ANKAR: variants seen among roughly 807,000 people sequenced by gnomAD.
The protein encoded by ANKAR is ankyrin and armadillo repeat-containing protein.
Under a neutral mutation model 146.2 loss-of-function variants are expected in ANKAR, and 136 were observed. The ratio of observed to expected loss-of-function variants is 0.93; its 90% CI spans 0.81 to 1.07. The LOEUF is 1.07. Among genes scored for constraint, ANKAR ranks in the 50% least tolerant of loss-of-function variants. The probability of loss-of-function intolerance (pLI) is 0.00; values close to 1 mark genes in which losing one functional copy is unlikely to be tolerated. For synonymous variants in ANKAR, 500 were observed against 575.8 expected (o/e 0.87, Z 1.88); for missense variants, 1,567 against 1,679.9 (o/e 0.93, Z 1.18).
intron 17 of ANKAR, among the ~76,000 whole-genome samples, chr2:189,734,699 T>TATAAAA (rs1190045635): frequency 6.6e-6 from 1 of 152,156 alleles, no homozygotes; most frequent in Non-Finnish European, 1.5e-5. Context: ...GAAGTGCTGC[T>TATAAAA]ATAAAAATAT....
At chr2:189,691,761 G>T (rs189804754) in intron 3 of ANKAR, among the ~76,000 whole-genome samples, 1 of 150,710 alleles carries the variant, frequency 6.6e-6, no homozygotes, top group African/African-American at 2.4e-5. Context: ...GGCAGTATTG[G>T]CACTGTAATA....
chr2:189,676,759 AC>A lies in ANKAR; in HGVS notation c.272del (p.Pro91LeufsTer5). 6.2e-7 allele frequency: 1 copy of A among 1,614,078 alleles called. No individual in the cohort carries two copies. Among genetic ancestry groups the A allele is most frequent in the Non-Finnish European group, 8.5e-7 (1 of 1,179,988 alleles). Reference protein sequence around the residue: ...FSTAILLTPVDPTALLDYREV... With the variant: ...FSTAILLTPVXPTALLDYREV... The stretch of plus-strand genomic sequence containing the variant: ...ACTGCAATCCTACTGACTCCCGTGG[AC>A]CCTACTGCCCTCTTAGACTATAGAG... On this transcript the variant is annotated frameshift_variant, in exon 2 of 23. Coordinates refer to ENST00000684021, the MANE Select transcript of ANKAR (RefSeq NM_001378068.1). LOFTEE classifies it high-confidence loss of function.
intron 1 of ANKAR, among the ~76,000 whole-genome samples, chr2:189,675,625 C>T (rs2033479436): frequency 6.6e-6 from 1 of 152,072 alleles, no homozygotes; most frequent in African/African-American, 2.4e-5. Context: ...TGGGATTACA[C>T]GCATGAGCCA....
At chr2:189,740,529 AGCT>A (rs1328736252) in intron 19 of ANKAR, among the ~76,000 whole-genome samples, 4 of 152,342 alleles carry the variant, frequency 2.6e-5, no homozygotes, top group African/African-American at 9.6e-5. Flanking sequence ...TTCAGTTGCT[AGCT>A]GCACATTTAA....
At chr2:189,754,358 CAT>C in intron 18 of ANKAR, 2 of 1,581,230 alleles carry the variant, frequency 1.3e-6, no homozygotes, top group East Asian at 2.2e-5. Context: ...ATCAAAGAAA[CAT>C]ATTTTTTAGA....
At chr2:189,736,822 C>T (rs911882208) in intron 17 of ANKAR, among the ~76,000 whole-genome samples, 1 of 151,754 alleles carries the variant, frequency 6.6e-6, no homozygotes, top group Non-Finnish European at 1.5e-5. Flanking sequence ...TCTGTAATCC[C>T]AGCACTTTGG....
At chr2:189,754,727 A>G (rs1427276448) in intron 18 of ANKAR, 1 of 211,008 alleles carries the variant, frequency 4.7e-6, no homozygotes, top group Non-Finnish European at 8.5e-6. Context: ...ATATGGCAGT[A>G]GCCTCTGTAG....
Position 189,728,328 on chromosome 2 carries a change from C to T in ANKAR, c.2939C>T (p.Thr980Ile), listed in dbSNP as rs778142290. 3 of 1,613,398 alleles carry T rather than the reference C, an allele frequency of 1.9e-6. No homozygotes were observed. In the South Asian group the frequency reaches 3.3e-5, roughly 18 times the overall value. The change falls in exon 14 of 23, where the codon ACA becomes ATA. Residue 980 changes from threonine (T) to isoleucine (I), a missense_variant. Transcript: ENST00000684021. ...GCACTTTGGGCCTTGGCAGGACAAA[C>T]ACTAAAACAACAAAAATATATGGCA... The part of the protein sequence containing the change: ...AVALWALAGQ[T>I]LKQQKYMAEQ...
chr2:189,746,812 C>A (rs1574810647), downstream of ANKAR: 1 of 610,558 alleles, frequency 1.6e-6, no homozygotes, highest in Non-Finnish European at 2.5e-6. Context: ...GTTATGGTTT[C>A]AAAAAATTAG....
intron 18 of ANKAR, among the ~76,000 whole-genome samples, chr2:189,758,091 TA>T (rs1282528016): frequency 6.6e-6 from 1 of 152,098 alleles, no homozygotes; most frequent in Non-Finnish European, 1.5e-5. Context: ...TCTTGTTGTT[TA>T]AAAGTGTGGG....
downstream of ANKAR, among the ~76,000 whole-genome samples, chr2:189,749,367 C>G (rs994728197): frequency 6.9e-6 from 1 of 144,102 alleles, no homozygotes; most frequent in African/African-American, 2.6e-5. Flanking sequence ...CCTAGGAGTT[C>G]TACTCCAGCC....
rs75714373 is a variant in ANKAR at position 189,704,030 on chromosome 2, A to G, written c.1709-993A>G. Among the ~76,000 whole-genome samples, 444 of 152,314 alleles carry G rather than the reference A, an allele frequency of 2.9e-3. 16 individuals carry two copies. The East Asian group carries it at 0.069, about 24-fold the overall frequency. ...GACACAGAGCCAAACCATATCAGGT[A>G]GTAAAGGTATGAATTGCTATTATGC... On this transcript the variant is annotated intron_variant, in intron 7 of 22. Transcript: ENST00000684021.
In ANKAR at chr2:189,692,471, A is replaced by G. The variant is rs775566935; in HGVS notation, c.1203+53A>G. 1.2e-5 allele frequency: 18 copies of G among 1,517,852 alleles called. No individual in the cohort carries two copies. The Admixed American group carries it at 2.7e-4, about 23-fold the overall frequency. The allele number at this position is 1,517,852 out of a possible 1,614,324, so 94.0% of individuals were successfully genotyped here. Reference sequence around the variant, plus strand: ...TATCATTTCACAACTCTTTTATCCTATTCTCCAACCAAAAAGAGCCTCTGT... The same window carrying G: ...TATCATTTCACAACTCTTTTATCCTGTTCTCCAACCAAAAAGAGCCTCTGT... On this transcript the variant is annotated intron_variant, in intron 4 of 22. Transcript: ENST00000684021.
intron 13 of ANKAR, 55 bp from the exon 14 acceptor site, chr2:189,728,212 T>C: frequency 2.0e-6 from 3 of 1,527,246 alleles, no homozygotes; most frequent in Non-Finnish European, 1.8e-6. Flanking sequence ...AAAATATGCA[T>C]TCCTAAAATG....
chr2:189,754,854 A>AT, intron 18 of ANKAR: 1 of 321,550 alleles, frequency 3.1e-6, no homozygotes, highest in East Asian at 8.5e-5. Flanking sequence ...ATATTCTCTT[A>AT]TTTTACCTTT....
At chr2:189,735,686 C>T (rs1265808735) in intron 17 of ANKAR, among the ~76,000 whole-genome samples, 1 of 152,178 alleles carries the variant, frequency 6.6e-6, no homozygotes, top group Non-Finnish European at 1.5e-5. Context: ...ATACTGTCTA[C>T]ATGGAGATGC....
intron 7 of ANKAR, among the ~76,000 whole-genome samples, chr2:189,704,509 C>T (rs947835171): frequency 2.4e-5 from 3 of 124,986 alleles, no homozygotes; most frequent in Non-Finnish European, 4.9e-5. Flanking sequence ...AAGAAAAATG[C>T]CCATTGGATT....
At chr2:189,704,917 A>G (rs943635789) in intron 7 of ANKAR, 106 bp from the exon 8 acceptor site, 4 of 1,012,818 alleles carry the variant, frequency 3.9e-6, no homozygotes, top group South Asian at 3.5e-5. Context: ...TGGAGATTTT[A>G]TATCATACAA....
chr2:189,739,805 G>A (rs183161154), intron 19 of ANKAR, among the ~76,000 whole-genome samples: 2,486 of 151,988 alleles, frequency 0.016, 68 homozygotes, highest in African/African-American at 0.057. Context: ...CTCATGATCC[G>A]CCCGCCTCGG....
Sources: gnomAD v4.1 joint callset for allele counts (sites outside exome capture counted in the v4.1 genomes callset) on GRCh38, gnomAD v4.1.1 for gene constraint, MANE v1.5 for transcripts, NCBI Gene and HGNC (gene_info 2026-07-23, HGNC 2026-07-21) for gene names.